Variants in MAD1L1 observed in about 807,000 individuals in gnomAD.
MAD1L1 encodes the protein mitotic spindle assembly checkpoint protein MAD1.
A neutral mutation model predicts 96.9 loss-of-function variants in MAD1L1; 95 were observed. The ratio of observed to expected loss-of-function variants is 0.98; its 90% confidence interval spans 0.83 to 1.16. The LOEUF is 1.16. MAD1L1 is among the 50% of genes most tolerant of loss of function. MAD1L1 has a pLI of 0.00. For synonymous variants in MAD1L1, 473 were observed against 396.6 expected (o/e 1.19, Z -2.29); for missense variants, 1,007 against 954.4 (o/e 1.06, Z -0.73).
chr7:2,008,654 G>A (rs1410353287), intron 13 of MAD1L1, among the ~76,000 whole-genome samples: 4 of 152,222 alleles, frequency 2.6e-5, no homozygotes, highest in Non-Finnish European at 5.9e-5. Context: ...CACTTCCCCA[G>A]CCTCAGCCCC....
chr7:1,828,255 G>A (rs1562432871), intron 18 of MAD1L1, among the ~76,000 whole-genome samples: 1 of 152,208 alleles, frequency 6.6e-6, no homozygotes, highest in East Asian at 1.9e-4. Context: ...AGGAAGGGTG[G>A]CGGGCCCTGA....
At chr7:1,929,127 T>C (rs1255520097) in intron 17 of MAD1L1, among the ~76,000 whole-genome samples, 5 of 152,118 alleles carry the variant, frequency 3.3e-5, no homozygotes, top group Non-Finnish European at 7.4e-5. Context: ...AGAGCAACTC[T>C]GTGGCCAACC....
intron 14 of MAD1L1, among the ~76,000 whole-genome samples, chr7:1,987,029 C>T (rs2128487134): frequency 6.6e-6 from 1 of 152,222 alleles, no homozygotes; most frequent in East Asian, 1.9e-4. Context: ...GAGGGCCAGA[C>T]CCATGATCCA....
Position 1,957,788 on chromosome 7 carries a change from G to A in MAD1L1, c.1506-69C>T, listed in dbSNP as rs150992152. 542 of 1,437,236 alleles carry A rather than the reference G, an allele frequency of 3.8e-4. 4 individuals are homozygous for A. The African/African-American group carries it at 6.9e-3, about 18-fold the overall frequency. The allele number at this position is 1,437,236 out of a possible 1,614,324, so 89.0% of individuals were successfully genotyped here. ...ATGCTGGGGAAGTCCCACCCTCTGG[G>A]TGATAAGGAGGTGAAAGGTTAGGAG... On this transcript the variant is annotated intron_variant, in intron 15 of 18. Coordinates refer to ENST00000265854, the MANE Select transcript of MAD1L1 (RefSeq NM_001013836.2).
intron 11 of MAD1L1, among the ~76,000 whole-genome samples, chr7:2,100,290 G>A (rs1414121418): frequency 2.0e-5 from 3 of 152,210 alleles, no homozygotes; most frequent in East Asian, 1.9e-4. Flanking sequence ...AGATCTCCGC[G>A]TTCTCCTTTA....
intron 14 of MAD1L1, among the ~76,000 whole-genome samples, chr7:1,988,321 C>T (rs574719020): frequency 5.9e-4 from 90 of 152,300 alleles, no homozygotes; most frequent in Middle Eastern, 3.4e-3. Context: ...CACAGCAGCC[C>T]GGCCGTCCCC....
At chr7:2,132,685 ATATT>A (rs1416611859) in intron 11 of MAD1L1, among the ~76,000 whole-genome samples, 4 of 152,230 alleles carry the variant, frequency 2.6e-5, no homozygotes, top group African/African-American at 9.6e-5. Context: ...TGTGCAATAT[ATATT>A]TAAGATTCTT....
At chr7:1,977,370 T>C (rs1282821265) in intron 15 of MAD1L1, among the ~76,000 whole-genome samples, 1 of 152,204 alleles carries the variant, frequency 6.6e-6, no homozygotes, top group Non-Finnish European at 1.5e-5. Context: ...GCTAAGCCCC[T>C]CACTGCCCGG....
chr7:2,228,258 C>T (rs1794010580), intron 3 of MAD1L1, among the ~76,000 whole-genome samples: 1 of 152,110 alleles, frequency 6.6e-6, no homozygotes, highest in African/African-American at 2.4e-5. Flanking sequence ...ACATTCGCAA[C>T]ACTAAAATCA....
intron 16 of MAD1L1, among the ~76,000 whole-genome samples, chr7:1,954,787 G>T (rs1284545866): frequency 6.6e-6 from 1 of 152,212 alleles, no homozygotes; most frequent in African/African-American, 2.4e-5. Context: ...GGCGCCAGAA[G>T]CCCGGCCAGC....
chr7:1,955,318 C>T (rs190867828), intron 16 of MAD1L1, among the ~76,000 whole-genome samples: 2,309 of 152,266 alleles, frequency 0.015, 34 homozygotes, highest in Non-Finnish European at 0.021. Context: ...GCTCCTGGGG[C>T]CTCGCTCTGT....
At chr7:1,887,807 CTGTGTGTG>C (rs371742782) in intron 18 of MAD1L1, among the ~76,000 whole-genome samples, 5 of 81,020 alleles carry the variant, frequency 6.2e-5, no homozygotes, top group South Asian at 5.1e-4. Context: ...ATGTGGCTGC[CTGTGTGTG>C]TGTGCATGTG....
Position 2,039,456 on chromosome 7 carries a change from G to A in MAD1L1, c.1219-24814C>T, listed in dbSNP as rs573721460. ...CCCTCGAGCTGGTTCCAGGGTGGCTGCACCCTGTCACTCTCCCATCAGCAA... is the reference window on the plus strand; with the variant it reads ...CCCTCGAGCTGGTTCCAGGGTGGCTACACCCTGTCACTCTCCCATCAGCAA... On this transcript the variant is annotated intron_variant, in intron 12 of 18. Coordinates refer to ENST00000265854, the MANE Select transcript of MAD1L1 (RefSeq NM_001013836.2). 1.8e-3 allele frequency among the ~76,000 whole-genome samples: 274 copies of A among 152,296 alleles called. 1 individual carries two copies. The highest frequency in any genetic ancestry group is 3.3e-3 in the Non-Finnish European group (224 of 68,016).
chr7:1,816,050 T>A lies in MAD1L1; in HGVS notation c.*20A>T, dbSNP rs1404405139. ...TCAGGCCAAGCAGAGTGGCTCCGGC[T>A]ATGCCCCCGAGCCTGCAGGCTACGC... On this transcript the variant is annotated 3_prime_UTR_variant, in exon 19 of 19. Coordinates refer to ENST00000265854, the MANE Select transcript of MAD1L1 (RefSeq NM_001013836.2). The A allele has an allele frequency of 1.9e-6, 3 of 1,596,576 alleles. No individual in the cohort carries two copies. The highest frequency in any genetic ancestry group is 1.7e-6 in the Non-Finnish European group (2 of 1,170,750).
intron 12 of MAD1L1, among the ~76,000 whole-genome samples, chr7:2,068,140 T>A (rs189794634): frequency 2.2e-4 from 34 of 152,292 alleles, no homozygotes; most frequent in Admixed American, 5.2e-4. Flanking sequence ...CATTTTGGAG[T>A]GTCCCCTGTC....
chr7:1,919,081 T>G (rs1411697576), intron 17 of MAD1L1, among the ~76,000 whole-genome samples: 2 of 152,246 alleles, frequency 1.3e-5, no homozygotes, highest in Admixed American at 1.3e-4. Context: ...CCTCCTATCG[T>G]TCAGTCCCAG....
chr7:1,915,600 C>T lies in MAD1L1; in HGVS notation c.1808-17210G>A, dbSNP rs144713383. 6.2e-3 allele frequency among the ~76,000 whole-genome samples: 944 copies of T among 152,346 alleles called. 12 individuals are homozygous for T. The highest frequency in any genetic ancestry group is 0.022 in the African/African-American group (902 of 41,572). ...TCAAGGAAGGACCGATGGTCGGCTG[C>T]GTGGGACTGCTGCGGGTACAAGCAA... On this transcript the variant is annotated intron_variant, in intron 17 of 18. Coordinates refer to ENST00000265854, the MANE Select transcript of MAD1L1 (RefSeq NM_001013836.2).
At chr7:2,044,359 C>A (rs916247301) in intron 12 of MAD1L1, among the ~76,000 whole-genome samples, 1 of 152,174 alleles carries the variant, frequency 6.6e-6, no homozygotes, top group Non-Finnish European at 1.5e-5. Flanking sequence ...TTTGAACTCA[C>A]GCACCCAGGC....
intron 12 of MAD1L1, among the ~76,000 whole-genome samples, chr7:2,040,255 T>C (rs935215487): frequency 1.3e-5 from 2 of 152,120 alleles, no homozygotes; most frequent in East Asian, 3.8e-4. Flanking sequence ...GCAAAGACAC[T>C]GGATTAGTTT....
Sources: gnomAD v4.1 joint callset for allele counts (sites outside exome capture counted in the v4.1 genomes callset) on GRCh38, gnomAD v4.1.1 for gene constraint, MANE v1.5 for transcripts, NCBI Gene and HGNC (gene_info 2026-07-23, HGNC 2026-07-21) for gene names.